Variants in NALF1 observed in about 807,000 individuals in gnomAD.
The protein encoded by NALF1 is family with sequence similarity 155 member A.
A neutral mutation model predicts 48.4 loss-of-function variants in NALF1; 3 were observed. The ratio of observed to expected loss-of-function variants is 0.06; its 90% CI spans 0.03 to 0.16. The LOEUF is 0.16. Among genes scored for constraint, NALF1 ranks in the 10% least tolerant of loss-of-function variants. The probability of loss-of-function intolerance (pLI) is 1.00; values close to 1 mark genes in which losing one functional copy is unlikely to be tolerated. For missense variants in NALF1, 526 were observed against 571.5 expected (o/e 0.92, Z 0.81); for synonymous variants, 262 against 245.7 (o/e 1.07, Z -0.62).
intron 1 of NALF1, among the ~76,000 whole-genome samples, chr13:107,305,647 C>T (rs1318931690): frequency 3.3e-5 from 5 of 152,174 alleles, no homozygotes; most frequent in Non-Finnish European, 5.9e-5. Flanking sequence ...CACATGGTCT[C>T]ATTGAATACT....
At chr13:107,708,172 C>T (rs1231449879) in intron 1 of NALF1, among the ~76,000 whole-genome samples, 1 of 152,166 alleles carries the variant, frequency 6.6e-6, no homozygotes, top group African/African-American at 2.4e-5. Flanking sequence ...TCAACCCTTG[C>T]TCTACTGCTC....
chr13:107,426,426 G>A (rs1002440234), intron 1 of NALF1, among the ~76,000 whole-genome samples: 1 of 152,122 alleles, frequency 6.6e-6, no homozygotes, highest in Non-Finnish European at 1.5e-5. Context: ...GGAAACTGAC[G>A]GACAGGACAA....
chr13:107,376,707 G>GT (rs1294891941), intron 1 of NALF1, among the ~76,000 whole-genome samples: 2 of 152,176 alleles, frequency 1.3e-5, no homozygotes, highest in Non-Finnish European at 2.9e-5. Context: ...TTCATCAAGT[G>GT]TTTCAACAAC....
chr13:107,389,978 T>C (rs1395375592), intron 1 of NALF1, among the ~76,000 whole-genome samples: 1 of 152,156 alleles, frequency 6.6e-6, no homozygotes, highest in East Asian at 1.9e-4. Flanking sequence ...GAATAAAACT[T>C]CTAGGTTTGA....
rs182651651 is a variant in NALF1, at chr13:107,581,036, G to A, written c.915+284646C>T. Among the ~76,000 whole-genome samples the A allele has an allele frequency of 1.9e-3, 282 of 152,224 alleles. 1 individual carries two copies. Among genetic ancestry groups the A allele is most frequent in the African/African-American group, 6.6e-3 (275 of 41,538 alleles). On this transcript the variant is annotated intron_variant, in intron 1 of 2. Coordinates refer to ENST00000375915, the MANE Select transcript of NALF1 (RefSeq NM_001080396.3). Reference sequence around the variant, plus strand: ...TACGGTAAACCCAGATAAGAGCAACGTAAAAGGCTCTGGCTGTGAAAACTA... The same window carrying A: ...TACGGTAAACCCAGATAAGAGCAACATAAAAGGCTCTGGCTGTGAAAACTA...
intron 1 of NALF1, among the ~76,000 whole-genome samples, chr13:107,430,733 T>C (rs1395292247): frequency 3.9e-5 from 6 of 152,230 alleles, no homozygotes; most frequent in African/African-American, 1.4e-4. Flanking sequence ...AAGTCTTTGC[T>C]ATTGTGAATA....
At chr13:107,253,179 T>C (rs1284515861) in intron 1 of NALF1, among the ~76,000 whole-genome samples, 2 of 129,838 alleles carry the variant, frequency 1.5e-5, no homozygotes, top group Non-Finnish European at 3.1e-5. Flanking sequence ...CTTTCTTTTT[T>C]TTTTTTTTTG....
intron 1 of NALF1, among the ~76,000 whole-genome samples, chr13:107,233,623 T>A (rs1363930434): frequency 1.3e-5 from 2 of 152,016 alleles, no homozygotes. Context: ...AGGAAAAAAA[T>A]ATATGTAAGT....
chr13:107,767,293 T>A (rs1202209753), intron 1 of NALF1, among the ~76,000 whole-genome samples: 1 of 152,192 alleles, frequency 6.6e-6, no homozygotes, highest in African/African-American at 2.4e-5. Context: ...TCACTTCCTG[T>A]CACTTGCCTC....
In NALF1 at chr13:107,857,762, T is replaced by C. The variant is rs75763419; in HGVS notation, c.915+7920A>G. Among the ~76,000 whole-genome samples the C allele has an allele frequency of 1.9e-3, 297 of 152,324 alleles. 4 individuals are homozygous for C. In the East Asian group the frequency reaches 0.021, roughly 11 times the overall value. ...TAAATCAGAGGATTTTACCATACAATATGCAAAGTCTGTTTATAAAAGTCT... is the reference window on the plus strand; with the variant it reads ...TAAATCAGAGGATTTTACCATACAACATGCAAAGTCTGTTTATAAAAGTCT... On this transcript the variant is annotated intron_variant, in intron 1 of 2. Transcript: ENST00000375915.
At chr13:107,275,766 G>A (rs1881267944) in intron 1 of NALF1, among the ~76,000 whole-genome samples, 1 of 152,124 alleles carries the variant, frequency 6.6e-6, no homozygotes, top group African/African-American at 2.4e-5. Flanking sequence ...TTGTTTATCT[G>A]AAATTCAAGG....
intron 1 of NALF1, among the ~76,000 whole-genome samples, chr13:107,336,379 TAATAATAATAATAAA>T (rs1163559825): frequency 8.1e-6 from 1 of 123,940 alleles, no homozygotes; most frequent in South Asian, 2.4e-4. Context: ...ATAATAATAA[TAATAATAATAATAAA>T]AAATCTAATA....
chr13:107,840,512 T>C (rs1451624333), intron 1 of NALF1, among the ~76,000 whole-genome samples: 2 of 152,150 alleles, frequency 1.3e-5, no homozygotes, highest in South Asian at 2.1e-4. Flanking sequence ...GGTGGCAAAA[T>C]GGAGTGATAA....
chr13:107,174,080 T>A (rs986031046), intron 2 of NALF1, among the ~76,000 whole-genome samples: 8 of 152,200 alleles, frequency 5.3e-5, no homozygotes, highest in African/African-American at 1.9e-4. Context: ...TTACCATGTT[T>A]ATGTTTTTCT....
At chr13:107,840,023 C>G (rs1169232301) in intron 1 of NALF1, among the ~76,000 whole-genome samples, 1 of 152,136 alleles carries the variant, frequency 6.6e-6, no homozygotes, top group African/African-American at 2.4e-5. Flanking sequence ...TATACATACC[C>G]TAAGATCTAA....
intron 1 of NALF1, among the ~76,000 whole-genome samples, chr13:107,352,145 C>T (rs915147786): frequency 1.3e-5 from 2 of 152,166 alleles, no homozygotes; most frequent in Admixed American, 6.6e-5. Context: ...CACAGAGGAA[C>T]CCTGTGTGCA....
chr13:107,350,561 C>T (rs545945058), intron 1 of NALF1, among the ~76,000 whole-genome samples: 5 of 152,252 alleles, frequency 3.3e-5, no homozygotes, highest in African/African-American at 7.2e-5. Context: ...AATCCTACTA[C>T]GTGATAGAGA....
intron 1 of NALF1, among the ~76,000 whole-genome samples, chr13:107,643,648 T>C (rs752928071): frequency 2.6e-5 from 4 of 151,862 alleles, no homozygotes; most frequent in Admixed American, 2.6e-4. Context: ...AGCAATTTTA[T>C]TTTCTTAATG....
At chr13:107,204,200 A>G (rs1457027416) in intron 2 of NALF1, among the ~76,000 whole-genome samples, 2 of 151,872 alleles carry the variant, frequency 1.3e-5, no homozygotes, top group South Asian at 2.1e-4. Context: ...GCTCTCCAAC[A>G]AGTGTCACCC....
Sources: allele counts gnomAD v4.1 joint callset (sites outside exome capture counted in the v4.1 genomes callset), GRCh38; gene constraint gnomAD v4.1.1; transcripts MANE v1.5; gene names NCBI Gene and HGNC (gene_info 2026-07-23, HGNC 2026-07-21).